OPHN1: variants seen among roughly 807,000 people sequenced by gnomAD.
The protein encoded by OPHN1 is oligophrenin-1.
Under a neutral mutation model 60.7 loss-of-function variants are expected in OPHN1, and 11 were observed. The observed-to-expected ratio is 0.18, with a 90% CI of 0.11 to 0.30. OPHN1 has a LOEUF of 0.30. OPHN1 is among the 10% of genes least tolerant of loss of function. The pLI, the probability that OPHN1 is intolerant of heterozygous loss-of-function variation, is 1.00. For synonymous variants in OPHN1, 226 were observed against 222.6 expected (o/e 1.02, Z -0.14); for missense variants, 449 against 611.0 (o/e 0.73, Z 2.80).
In OPHN1 at chrX:68,200,382, C is replaced by G. The variant is rs193065549; in HGVS notation, c.1025+1237G>C. On this transcript the variant is annotated intron_variant, in intron 11 of 24. Transcript: ENST00000355520. The stretch of plus-strand genomic sequence containing the variant: ...CATGAGCCATGCATAGCACCAGGTA[C>G]AAGAAACATAAATTCATCCTAGCCC... 2.0e-3 allele frequency among the ~76,000 whole-genome samples: 227 copies of G among 111,670 alleles called. 3 individuals are homozygous for G. The highest frequency in any genetic ancestry group is 0.014 in the South Asian group (36 of 2,628).
chrX:68,190,419 T>C (rs2077482977), intron 15 of OPHN1, among the ~76,000 whole-genome samples: 1 of 112,073 alleles, frequency 8.9e-6, no homozygotes, highest in African/African-American at 3.2e-5. Context: ...GGGATCGGGG[T>C]TGCCACTTTC....
chrX:68,432,718 T>G, intron 2 of OPHN1, 149 bp downstream of exon 2: 1 of 595,950 alleles, frequency 1.7e-6, no homozygotes, highest in Non-Finnish European at 2.7e-6. Flanking sequence ...ACTTCTACTA[T>G]CTCCACTCCC....
chrX:68,136,154 T>C (rs1475958126), intron 15 of OPHN1, among the ~76,000 whole-genome samples: 2 of 110,946 alleles, frequency 1.8e-5, no homozygotes, highest in Non-Finnish European at 3.8e-5. Context: ...AATTAAATAT[T>C]ATTAAATATA....
At chrX:68,224,077 C>T (rs1402716791) in intron 6 of OPHN1, among the ~76,000 whole-genome samples, 1 of 111,388 alleles carries the variant, frequency 9.0e-6, no homozygotes, top group Non-Finnish European at 1.9e-5. Flanking sequence ...ACATTGTTGA[C>T]CTGAACAGCA....
chrX:68,070,755 C>T (rs1331946099), intron 20 of OPHN1: 4 of 1,139,487 alleles, frequency 3.5e-6, no homozygotes, highest in Non-Finnish European at 4.8e-6. Context: ...AAATACCCCC[C>T]ACAGGACCAT....
chrX:68,230,026 C>T (rs183414148), intron 6 of OPHN1, among the ~76,000 whole-genome samples: 9 of 111,808 alleles, frequency 8.0e-5, no homozygotes, highest in African/African-American at 2.3e-4. Context: ...TGACAAAGGG[C>T]GAATATCCAG....
At chrX:68,069,352 G>C (rs2076924775) in intron 20 of OPHN1, among the ~76,000 whole-genome samples, 1 of 111,728 alleles carries the variant, frequency 9.0e-6, no homozygotes. Context: ...CACTGGCATA[G>C]AGTTTATATT....
chrX:68,104,810 G>A (rs779507594), intron 18 of OPHN1, among the ~76,000 whole-genome samples: 1 of 111,817 alleles, frequency 8.9e-6, no homozygotes, highest in Admixed American at 9.5e-5. Context: ...ATTGACAAAG[G>A]GGATCTAATT....
chrX:68,388,674 A>G (rs2078636875), intron 2 of OPHN1, among the ~76,000 whole-genome samples: 1 of 110,661 alleles, frequency 9.0e-6, no homozygotes, highest in Non-Finnish European at 1.9e-5. Context: ...ATGAAATGAT[A>G]TGATGTCTGA....
chrX:68,107,820 G>A (rs1005525479), intron 18 of OPHN1, among the ~76,000 whole-genome samples: 1 of 111,717 alleles, frequency 9.0e-6, no homozygotes, highest in Non-Finnish European at 1.9e-5. Flanking sequence ...TACTTAAGGT[G>A]GTGTCTGCCA....
intron 6 of OPHN1, among the ~76,000 whole-genome samples, chrX:68,230,656 T>C (rs1334633789): frequency 9.3e-6 from 1 of 107,668 alleles, no homozygotes; most frequent in African/African-American, 3.4e-5. Flanking sequence ...GAGCAAACTA[T>C]CGCAAGGACA....
At chrX:68,071,638 C>G in intron 20 of OPHN1, 1 of 558,083 alleles carries the variant, frequency 1.8e-6, no homozygotes, top group East Asian at 3.3e-5. Context: ...ATGCTTAAGA[C>G]AGTAGCCTTA....
At chrX:68,110,415 G>A (rs1291713630) in intron 18 of OPHN1, among the ~76,000 whole-genome samples, 4 of 111,802 alleles carry the variant, frequency 3.6e-5, no homozygotes, top group African/African-American at 6.5e-5. Context: ...CTAAGCACGG[G>A]CATCCTCAAT....
intron 2 of OPHN1, among the ~76,000 whole-genome samples, chrX:68,396,231 G>T (rs1055502843): frequency 9.7e-6 from 1 of 102,694 alleles, no homozygotes; most frequent in African/African-American, 3.6e-5. Context: ...CCAGGAGTTT[G>T]AGATGAGCCT....
At chrX:68,086,181 C>A (rs367608666) in intron 19 of OPHN1, among the ~76,000 whole-genome samples, 269 of 71,062 alleles carry the variant, frequency 3.8e-3, no homozygotes, top group Non-Finnish European at 5.0e-3. Context: ...ACTCTGTCTC[C>A]AAAAAAAAAA....
rs397895409 is a variant in OPHN1, at chrX:68,053,948, A to AT, written c.2159-139dup. 23,967 of 415,509 alleles carry AT rather than the reference A, an allele frequency of 0.058. 110 individuals are homozygous for AT. Among genetic ancestry groups the AT allele is most frequent in the African/African-American group, 0.099 (3,300 of 33,414 alleles). The allele number at this position is 415,509 out of a possible 1,213,427, so 34.2% of individuals were successfully genotyped here. On this transcript the variant is annotated intron_variant, in intron 21 of 24. Transcript: ENST00000355520. ...TTCTTGGTGACTAACAACTCTGGCT[A>AT]TTTTTTTTTTTTTTTGTAATTTTTC... is the stretch of plus-strand genomic sequence containing the variant.
intron 24 of OPHN1, among the ~76,000 whole-genome samples, chrX:68,048,162 A>G (rs2147343505): frequency 8.9e-6 from 1 of 112,080 alleles, no homozygotes; most frequent in East Asian, 2.8e-4. Flanking sequence ...TTCAAAGGCA[A>G]TCTGTAAAAG....
chrX:68,098,591 C>T (rs993383490), intron 18 of OPHN1, among the ~76,000 whole-genome samples: 2 of 112,000 alleles, frequency 1.8e-5, no homozygotes, highest in African/African-American at 6.5e-5. Context: ...GAGTACCATT[C>T]AGATGGAAAT....
chrX:68,228,992 T>A lies in OPHN1; in HGVS notation c.486+5495A>T, dbSNP rs755788013. Among the ~76,000 whole-genome samples, 5 of 111,508 alleles carry A rather than the reference T, an allele frequency of 4.5e-5. No individual in the cohort carries two copies. In the East Asian group the frequency reaches 1.4e-3, roughly 32 times the overall value. On this transcript the variant is annotated intron_variant, in intron 6 of 24. Coordinates refer to ENST00000355520, the MANE Select transcript of OPHN1 (RefSeq NM_002547.3). ...AAATTGTCCCTGTTTGCAGATGACATGATTGAATATTTAGAAAACCCCATC... is the reference window on the plus strand; with the variant it reads ...AAATTGTCCCTGTTTGCAGATGACAAGATTGAATATTTAGAAAACCCCATC...
Sources: allele counts gnomAD v4.1 joint callset (sites outside exome capture counted in the v4.1 genomes callset), GRCh38; gene constraint gnomAD v4.1.1; transcripts MANE v1.5; gene names NCBI Gene and HGNC (gene_info 2026-07-23, HGNC 2026-07-21).